MSH4: variants seen among roughly 807,000 people sequenced by gnomAD.
MSH4 encodes the protein mutS protein homolog 4.
In MSH4, 106 loss-of-function variants were observed where a neutral mutation model predicts 113.7. That is an observed-to-expected ratio of 0.93 (90% CI 0.80 to 1.10). The LOEUF (loss-of-function observed/expected upper bound fraction) is 1.10. MSH4 is among the 50% of genes least tolerant of loss of function. The probability of loss-of-function intolerance (pLI) is 0.00; values close to 1 mark genes in which losing one functional copy is unlikely to be tolerated. For missense variants in MSH4, 1,061 were observed against 1,093.7 expected, an observed-to-expected ratio of 0.97 and a Z score of 0.42; for synonymous variants, 368 against 380.2, an observed-to-expected ratio of 0.97 and a Z score of 0.37.
At position 75,803,906 on chromosome 1, in the gene MSH4, A is replaced by C; in HGVS notation, c.420A>C (p.Gly140=). 6.7e-7 allele frequency: 1 copy of C among 1,488,264 alleles called. No individual in the cohort carries two copies. Among genetic ancestry groups the C allele is most frequent in the Non-Finnish European group, 8.9e-7 (1 of 1,118,642 alleles). The allele number at this position is 1,488,264 out of a possible 1,614,324, so 92.2% of individuals were successfully genotyped here. A position where few individuals can be genotyped will look rare whatever the true frequency, so the allele number is the denominator to read the frequency against. The stretch of plus-strand genomic sequence containing the variant: ...ATAAGAGCTGGACACCACAAGTGGG[A>C]TATTCAGGTAAAATAAGTGGAAGAT... ...SGYKSWTPQV[G]YSASSSSAIS... The change falls in exon 2 of 20, where the codon GGA becomes GGC. Residue 140 remains glycine, a synonymous_variant. Transcript: ENST00000263187.
chr1:75,821,648 C>T (rs927857131), intron 6 of MSH4, among the ~76,000 whole-genome samples: 2 of 152,184 alleles, frequency 1.3e-5, no homozygotes, highest in Non-Finnish European at 2.9e-5. Flanking sequence ...CTCACTCTGT[C>T]TCCACACTGG....
chr1:75,896,277 T>G (rs1347865574), intron 17 of MSH4, among the ~76,000 whole-genome samples: 3 of 151,868 alleles, frequency 2.0e-5, no homozygotes, highest in African/African-American at 7.3e-5. Flanking sequence ...TGACTGTAGA[T>G]TTTTGATCTT....
chr1:75,802,807 G>A (rs1244745039), intron 1 of MSH4, among the ~76,000 whole-genome samples: 5 of 152,202 alleles, frequency 3.3e-5, no homozygotes, highest in Admixed American at 2.0e-4. Flanking sequence ...TTTCTTGGAA[G>A]TCTGGAGGCT....
intron 7 of MSH4, among the ~76,000 whole-genome samples, chr1:75,835,336 G>A (rs1650804884): frequency 6.6e-6 from 1 of 152,046 alleles, no homozygotes; most frequent in Non-Finnish European, 1.5e-5. Flanking sequence ...TTAGTATTGG[G>A]AAAGGCAGAA....
chr1:75,841,639 T>C (rs1650961482), intron 7 of MSH4, among the ~76,000 whole-genome samples: 1 of 152,226 alleles, frequency 6.6e-6, no homozygotes, highest in South Asian at 2.1e-4. Context: ...AGGAGTTTAA[T>C]TTTTTTCCTT....
At chr1:75,880,020 C>T in intron 12 of MSH4, 30 bp from the exon 13 acceptor site, 2 of 1,114,720 alleles carry the variant, frequency 1.8e-6, no homozygotes, top group African/African-American at 3.1e-5. Flanking sequence ...GTGCATTTAT[C>T]TTGACATTTG....
intron 8 of MSH4, among the ~76,000 whole-genome samples, chr1:75,865,220 T>C (rs1651537455): frequency 6.6e-6 from 1 of 152,168 alleles, no homozygotes; most frequent in Admixed American, 6.5e-5. Flanking sequence ...TTCTCAGAGT[T>C]GGCTTTTGGA....
At chr1:75,879,188 A>G (rs760896569) in intron 12 of MSH4, 60 bp downstream of exon 12, 41 of 1,518,596 alleles carry the variant, frequency 2.7e-5, no homozygotes, top group Non-Finnish European at 3.5e-5. Flanking sequence ...ACATCTACAT[A>G]TTTTTGGGAC....
intron 7 of MSH4, among the ~76,000 whole-genome samples, chr1:75,822,911 G>A (rs1402833872): frequency 2.6e-5 from 4 of 151,892 alleles, no homozygotes; most frequent in Admixed American, 1.3e-4. Flanking sequence ...TTCAGACTAC[G>A]TAATTATCAA....
chr1:75,905,765 C>T (rs1652613157), intron 19 of MSH4, among the ~76,000 whole-genome samples: 1 of 152,004 alleles, frequency 6.6e-6, no homozygotes, highest in Admixed American at 6.6e-5. Context: ...ATTGTTATGT[C>T]CTCTTGCTGA....
chr1:75,806,717 T>A (rs1224870648), intron 2 of MSH4, among the ~76,000 whole-genome samples: 2 of 151,896 alleles, frequency 1.3e-5, no homozygotes, highest in Admixed American at 6.6e-5. Flanking sequence ...TTTAGAGGAG[T>A]CTTGATTCTT....
chr1:75,796,942 G>A lies in MSH4; in HGVS notation c.-44G>A, dbSNP rs1404359906. On this transcript the variant is annotated 5_prime_UTR_variant, in exon 1 of 20. Coordinates refer to ENST00000263187, the MANE Select transcript of MSH4 (RefSeq NM_002440.4). ...CTGTAGTTGGGCTACTGGAGGGGTC[G>A]CTCAGAAACCTCATACTTCTCGGGT... 4.2e-5 allele frequency: 68 copies of A among 1,607,532 alleles called. No individual in the cohort carries two copies. The highest frequency in any genetic ancestry group is 5.7e-5 in the Non-Finnish European group (67 of 1,176,204).
chr1:75,905,181 A>G lies in MSH4; in HGVS notation c.2619+5475A>G, dbSNP rs188425583. Among the ~76,000 whole-genome samples the G allele has an allele frequency of 1.5e-3, 223 of 145,570 alleles. 1 individual carries two copies. The highest frequency in any genetic ancestry group is 5.4e-3 in the African/African-American group (215 of 39,582). On this transcript the variant is annotated intron_variant, in intron 19 of 19. Coordinates refer to ENST00000263187, the MANE Select transcript of MSH4 (RefSeq NM_002440.4). ...TTAAATGTTTCTACTTTTTTGTTGTAGGTGTTTATTGCTATAAACGTTTCT... is the reference window on the plus strand; with the variant it reads ...TTAAATGTTTCTACTTTTTTGTTGTGGGTGTTTATTGCTATAAACGTTTCT...
chr1:75,867,314 C>T (rs778656002), intron 8 of MSH4, among the ~76,000 whole-genome samples, 200 bp from the exon 9 acceptor site: 1 of 152,090 alleles, frequency 6.6e-6, no homozygotes, highest in South Asian at 2.1e-4. Flanking sequence ...CTTCTCATTT[C>T]CAGACTTTTG....
chr1:75,838,668 A>G (rs1458112957), intron 7 of MSH4, among the ~76,000 whole-genome samples: 6 of 151,916 alleles, frequency 3.9e-5, no homozygotes, highest in African/African-American at 7.3e-5. Flanking sequence ...TTCACTCTCC[A>G]TTTTCTCTTC....
intron 7 of MSH4, among the ~76,000 whole-genome samples, chr1:75,843,629 A>G (rs1651014821): frequency 6.6e-6 from 1 of 152,284 alleles, no homozygotes. Flanking sequence ...CCCCTTAGGT[A>G]GGAATTTGGG....
intron 8 of MSH4, among the ~76,000 whole-genome samples, chr1:75,861,669 C>T (rs893754654): frequency 5.3e-5 from 8 of 152,204 alleles, no homozygotes; most frequent in African/African-American, 1.7e-4. Flanking sequence ...CGCCTGTATG[C>T]GGTGTCTGTT....
chr1:75,818,777 T>G (rs1247239888), intron 6 of MSH4, among the ~76,000 whole-genome samples: 16 of 152,138 alleles, frequency 1.1e-4, no homozygotes, highest in Admixed American at 1.0e-3. Flanking sequence ...TTGTTTTTTG[T>G]TTTGAGATGG....
At chr1:75,870,574 A>C (rs894928102) in intron 9 of MSH4, among the ~76,000 whole-genome samples, 2 of 152,172 alleles carry the variant, frequency 1.3e-5, no homozygotes, top group Admixed American at 1.3e-4. Flanking sequence ...GTAGTGAATA[A>C]GTCTCACGAG....
Sources: allele counts gnomAD v4.1 joint callset (sites outside exome capture counted in the v4.1 genomes callset), GRCh38; gene constraint gnomAD v4.1.1; transcripts MANE v1.5; gene names NCBI Gene and HGNC (gene_info 2026-07-23, HGNC 2026-07-21).